KIF26B: variants seen among roughly 807,000 people sequenced by gnomAD.
KIF26B encodes kinesin-like protein KIF26B.
A neutral mutation model predicts 151.2 loss-of-function variants in KIF26B; 63 were observed. The observed-to-expected ratio is 0.42, with a 90% CI of 0.34 to 0.51. KIF26B has a LOEUF of 0.51. Among genes scored for constraint, KIF26B ranks in the 20% least tolerant of loss-of-function variants. The pLI, the probability that KIF26B is intolerant of heterozygous loss-of-function variation, is 0.07. For missense variants in KIF26B, 2,813 were observed against 2,913.6 expected (o/e 0.97, Z 0.79); for synonymous variants, 1,357 against 1,262.1 (o/e 1.08, Z -1.59).
chr1:245,652,130 GTGTGTGTGTGTGT>G (rs2044024402), intron 10 of KIF26B, among the ~76,000 whole-genome samples: 6 of 139,760 alleles, frequency 4.3e-5, no homozygotes, highest in African/African-American at 1.5e-4. Context: ...GTGTGTGTGT[GTGTGTGTGTGTGT>G]GTGAGAGAGA....
At chr1:245,443,495 A>T (rs1451892652) in intron 4 of KIF26B, among the ~76,000 whole-genome samples, 1 of 90,078 alleles carries the variant, frequency 1.1e-5, no homozygotes, top group East Asian at 5.8e-4. Flanking sequence ...TCTAGAGGAG[A>T]GGTCATCTCC....
At chr1:245,680,157 T>C (rs1400285118) in intron 10 of KIF26B, among the ~76,000 whole-genome samples, 1 of 152,168 alleles carries the variant, frequency 6.6e-6, no homozygotes, top group African/African-American at 2.4e-5. Flanking sequence ...CTCCTACAGT[T>C]TGCAGCCTTC....
chr1:245,411,553 G>T (rs1674285077), intron 3 of KIF26B, among the ~76,000 whole-genome samples: 1 of 152,162 alleles, frequency 6.6e-6, no homozygotes, highest in Non-Finnish European at 1.5e-5. Flanking sequence ...CTCGCCGGGG[G>T]AGTGGCATTG....
intron 5 of KIF26B, among the ~76,000 whole-genome samples, chr1:245,541,867 G>C (rs12029945): frequency 0.21 from 31,945 of 152,008 alleles, 3,653 homozygotes; most frequent in South Asian, 0.27. Context: ...CACGGTCATG[G>C]CTGGGTTTCT....
intron 4 of KIF26B, among the ~76,000 whole-genome samples, chr1:245,440,312 G>A (rs1572062355): frequency 6.6e-6 from 1 of 152,062 alleles, no homozygotes; most frequent in Non-Finnish European, 1.5e-5. Context: ...ATTTGAGAAC[G>A]GGCATTTGGA....
chr1:245,391,675 A>G (rs1385958680), intron 3 of KIF26B, among the ~76,000 whole-genome samples: 1 of 150,180 alleles, frequency 6.7e-6, no homozygotes, highest in Non-Finnish European at 1.5e-5. Flanking sequence ...AAAAAAAAAG[A>G]GAGAGATTTG....
intron 2 of KIF26B, among the ~76,000 whole-genome samples, chr1:245,204,997 G>A (rs1669371809): frequency 6.6e-6 from 1 of 152,082 alleles, no homozygotes; most frequent in South Asian, 2.1e-4. Context: ...TGTTGCCCAG[G>A]CTGGTCTTGA....
At chr1:245,243,055 A>G (rs919809553) in intron 2 of KIF26B, among the ~76,000 whole-genome samples, 23 of 152,190 alleles carry the variant, frequency 1.5e-4, no homozygotes, top group African/African-American at 5.5e-4. Context: ...TTTTGCACCT[A>G]CATGGAAGTT....
intron 5 of KIF26B, among the ~76,000 whole-genome samples, chr1:245,592,379 C>T (rs1045059635): frequency 1.6e-4 from 25 of 152,224 alleles, no homozygotes; most frequent in Non-Finnish European, 2.8e-4. Flanking sequence ...AGGGCCCTTC[C>T]ACCTTCGCCA....
Position 245,597,934 on chromosome 1 carries a change from T to C in KIF26B, c.1351-4643T>C, listed in dbSNP as rs58948766. 3.9e-3 allele frequency among the ~76,000 whole-genome samples: 588 copies of C among 152,214 alleles called. 7 individuals carry two copies. The highest frequency in any genetic ancestry group is 0.014 in the African/African-American group (567 of 41,542). ...GCTTGATCGATTCAGCTATTGATAC[T>C]GTGTGTGCTTCATGAAGTTCTCATG... On this transcript the variant is annotated intron_variant, in intron 5 of 14. Transcript: ENST00000407071. The surrounding 1 kb of genome is among the most constrained non-coding windows in gnomAD (Gnocchi z 4.6).
At chr1:245,484,667 C>T (rs1375419828) in intron 4 of KIF26B, among the ~76,000 whole-genome samples, 1 of 151,962 alleles carries the variant, frequency 6.6e-6, no homozygotes, top group Non-Finnish European at 1.5e-5. Context: ...GAGATTGTTC[C>T]AACAATTTGG....
chr1:245,626,831 C>T (rs553262901), intron 9 of KIF26B, among the ~76,000 whole-genome samples: 1 of 152,280 alleles, frequency 6.6e-6, no homozygotes, highest in South Asian at 2.1e-4. Context: ...AGCATTTCCC[C>T]TATGTTTTCA....
At chr1:245,436,732 G>A (rs929545803) in intron 4 of KIF26B, among the ~76,000 whole-genome samples, 4 of 152,102 alleles carry the variant, frequency 2.6e-5, no homozygotes, top group Middle Eastern at 3.2e-3. Context: ...ACTGGACACC[G>A]TAGCCTAGCC....
At chr1:245,211,915 C>A (rs1216678184) in intron 2 of KIF26B, among the ~76,000 whole-genome samples, 1 of 152,210 alleles carries the variant, frequency 6.6e-6, no homozygotes, top group Non-Finnish European at 1.5e-5. Context: ...ATTCGGCCTG[C>A]ACCCACGGCA....
intron 2 of KIF26B, among the ~76,000 whole-genome samples, chr1:245,205,866 A>C (rs1262325259): frequency 9.9e-6 from 1 of 101,364 alleles, no homozygotes; most frequent in African/African-American, 3.9e-5. Flanking sequence ...ACCCCCACCA[A>C]GTAGCTGGGA....
In KIF26B at chr1:245,244,687, G is replaced by A. The variant is rs1219823830; in HGVS notation, c.465+88004G>A. Among the ~76,000 whole-genome samples the A allele has an allele frequency of 1.3e-5, 2 of 151,152 alleles. No homozygotes were observed. Among genetic ancestry groups the A allele is most frequent in the African/African-American group, 4.9e-5 (2 of 41,158 alleles). On this transcript the variant is annotated intron_variant, in intron 2 of 14. Transcript: ENST00000407071. The surrounding 1 kb of genome is among the most constrained non-coding windows in gnomAD (Gnocchi z 4.2). ...CTCTCTCTTCATACTGTTGTCTTAG[G>A]TGTTCCTTGTAACCAGACTTCAAAC...
At chr1:245,668,243 T>G (rs777870297) in intron 10 of KIF26B, among the ~76,000 whole-genome samples, 2 of 152,156 alleles carry the variant, frequency 1.3e-5, no homozygotes, top group Non-Finnish European at 2.9e-5. Flanking sequence ...GAGAAACGGC[T>G]CAGTTAGGGT....
intron 2 of KIF26B, among the ~76,000 whole-genome samples, chr1:245,200,941 C>T (rs1669290202): frequency 6.6e-6 from 1 of 152,164 alleles, no homozygotes; most frequent in Non-Finnish European, 1.5e-5. Flanking sequence ...CCTCTTTATT[C>T]TTGTTTTGTA....
At chr1:245,321,631 G>A (rs569878854) in intron 2 of KIF26B, among the ~76,000 whole-genome samples, 4 of 152,196 alleles carry the variant, frequency 2.6e-5, no homozygotes, top group Non-Finnish European at 4.4e-5. Flanking sequence ...GGAGAACACC[G>A]AAGCTTCGAA....
Sources: allele counts gnomAD v4.1 joint callset (sites outside exome capture counted in the v4.1 genomes callset), GRCh38; gene constraint gnomAD v4.1.1; non-coding constraint Gnocchi (gnomAD v3.1); transcripts MANE v1.5; gene names NCBI Gene and HGNC (gene_info 2026-07-23, HGNC 2026-07-21).